Variants in MAF observed in about 807,000 individuals in gnomAD.
MAF encodes transcription factor Maf.
In MAF, 10 loss-of-function variants were observed where a neutral mutation model predicts 22.0. That is an observed-to-expected ratio of 0.45 (90% CI 0.28 to 0.77). The LOEUF is 0.77. MAF is among the 30% of genes least tolerant of loss of function. The pLI is 0.12. For synonymous variants in MAF, 337 were observed against 255.8 expected (o/e 1.32, Z -3.03); for missense variants, 544 against 548.4 (o/e 0.99, Z 0.08).
chr16:79,335,133 CAAG>C, the MAF span, among the ~76,000 whole-genome samples: 2 of 146,040 alleles, frequency 1.4e-5, no homozygotes, highest in Non-Finnish European at 3.0e-5. Context: ...TGCAGTAATC[CAAG>C]ATCGCGCCAC....
the MAF span, among the ~76,000 whole-genome samples, chr16:79,438,433 G>A: frequency 2.0e-5 from 3 of 152,164 alleles, no homozygotes; most frequent in South Asian, 6.2e-4. Context: ...GACAGCGCCC[G>A]GCTTCACTGC....
At chr16:79,470,363 C>A in the MAF span, among the ~76,000 whole-genome samples, 2 of 152,100 alleles carry the variant, frequency 1.3e-5, no homozygotes, top group Non-Finnish European at 1.5e-5. Flanking sequence ...CTGAGCCCCC[C>A]CAGGGGCTCA....
chr16:79,343,650 G>A, the MAF span, among the ~76,000 whole-genome samples: 1 of 152,114 alleles, frequency 6.6e-6, no homozygotes, highest in Non-Finnish European at 1.5e-5. Context: ...TGTGGTAAAG[G>A]CCATTTATAT....
the MAF span, among the ~76,000 whole-genome samples, chr16:79,290,153 A>C: frequency 7.9e-5 from 12 of 152,220 alleles, no homozygotes; most frequent in African/African-American, 2.9e-4. Context: ...CACTGTGCTC[A>C]GCCTGTATAT....
At chr16:79,225,603 G>T in the MAF span, among the ~76,000 whole-genome samples, 1 of 152,020 alleles carries the variant, frequency 6.6e-6, no homozygotes, top group Non-Finnish European at 1.5e-5. Flanking sequence ...TACAGAATGG[G>T]AGAAAATTTT....
At chr16:79,269,899 T>G in the MAF span, among the ~76,000 whole-genome samples, 1 of 152,168 alleles carries the variant, frequency 6.6e-6, no homozygotes, top group Admixed American at 6.5e-5. Flanking sequence ...AGCAAGGTCT[T>G]GCATATTTCC....
At chr16:79,310,549 C>T in the MAF span, among the ~76,000 whole-genome samples, 2 of 152,264 alleles carry the variant, frequency 1.3e-5, no homozygotes, top group Admixed American at 6.5e-5. Context: ...GACTGCTGTC[C>T]CAAAGAGGTG....
At chr16:79,392,207 G>C in the MAF span, among the ~76,000 whole-genome samples, 1 of 149,134 alleles carries the variant, frequency 6.7e-6, no homozygotes, top group Non-Finnish European at 1.5e-5. Context: ...CAAGAAGAGA[G>C]AGGAGAAAGA....
chr16:79,598,454 G>A (rs1271952650), intron 1 of MAF: 17 of 384,024 alleles, frequency 4.4e-5, no homozygotes, highest in Non-Finnish European at 6.0e-5. Context: ...GCGGGGGGGT[G>A]TAAAAAAAAA....
chr16:79,384,693 G>C, the MAF span, among the ~76,000 whole-genome samples: 1 of 152,076 alleles, frequency 6.6e-6, no homozygotes, highest in Non-Finnish European at 1.5e-5. Flanking sequence ...GGAGGCGGAG[G>C]TTGCAGTGAG....
chr16:79,506,163 C>A, the MAF span, among the ~76,000 whole-genome samples: 2 of 152,118 alleles, frequency 1.3e-5, no homozygotes, highest in African/African-American at 4.8e-5. Context: ...TAATGATAGT[C>A]TAAAAATGTA....
At chr16:79,533,864 A>G in the MAF span, among the ~76,000 whole-genome samples, 7 of 152,162 alleles carry the variant, frequency 4.6e-5, no homozygotes, top group African/African-American at 1.2e-4. Context: ...CTCTGTTGCC[A>G]TCAAAACAAT....
the MAF span, among the ~76,000 whole-genome samples, chr16:79,271,868 G>A: frequency 1.3e-5 from 2 of 152,234 alleles, no homozygotes; most frequent in Non-Finnish European, 2.9e-5. Flanking sequence ...GGTGCTGCCT[G>A]TAACAGTAGC....
the MAF span, among the ~76,000 whole-genome samples, chr16:79,266,188 G>C: frequency 6.6e-6 from 1 of 152,232 alleles, no homozygotes; most frequent in South Asian, 2.1e-4. Flanking sequence ...TTCATGTCTT[G>C]AGGGACAGAG....
chr16:79,238,591 C>G, the MAF span, among the ~76,000 whole-genome samples: 1 of 151,938 alleles, frequency 6.6e-6, no homozygotes, highest in Non-Finnish European at 1.5e-5. Flanking sequence ...AGGTGCAAGA[C>G]AGAAAGAGTC....
chr16:79,455,466 C>T, the MAF span, among the ~76,000 whole-genome samples: 1 of 152,134 alleles, frequency 6.6e-6, no homozygotes, highest in Admixed American at 6.5e-5. Context: ...GCTACATTAT[C>T]TCGGGTTTGG....
chr16:79,370,406 C>A, the MAF span, among the ~76,000 whole-genome samples: 1 of 152,196 alleles, frequency 6.6e-6, no homozygotes, highest in Admixed American at 6.5e-5. Flanking sequence ...CCTATGACAC[C>A]TCTGGACTCA....
chr16:79,469,453 A>T, the MAF span, among the ~76,000 whole-genome samples: 5 of 152,206 alleles, frequency 3.3e-5, no homozygotes, highest in South Asian at 1.0e-3. Flanking sequence ...TCTGATCTCA[A>T]TTTCCTCCTC....
At chr16:79,253,467 A>G in the MAF span, among the ~76,000 whole-genome samples, 1 of 152,126 alleles carries the variant, frequency 6.6e-6, no homozygotes, top group African/African-American at 2.4e-5. Flanking sequence ...TGTAATTTCT[A>G]TGTAATCCCT....
Sources: allele counts gnomAD v4.1 joint callset (sites outside exome capture counted in the v4.1 genomes callset), GRCh38; gene constraint gnomAD v4.1.1; transcripts MANE v1.5; gene names NCBI Gene and HGNC (gene_info 2026-07-23, HGNC 2026-07-21).